The following GALNT13 variants were observed in gnomAD, a reference collection of about 807,000 sequenced individuals.
GALNT13 encodes polypeptide N-acetylgalactosaminyltransferase 13, also known as UDP-GalNAc:polypeptide N-acetylgalactosaminyltransferase 13.
Under a neutral mutation model 64.2 loss-of-function variants are expected in GALNT13, and 28 were observed. The ratio of observed to expected loss-of-function variants is 0.44; its 90% CI spans 0.32 to 0.60. GALNT13 has a LOEUF of 0.60. GALNT13 is among the 20% of genes least tolerant of loss of function. GALNT13 has a pLI of 0.05. For synonymous variants in GALNT13, 214 were observed against 224.6 expected (o/e 0.95, Z 0.42); for missense variants, 577 against 669.8 (o/e 0.86, Z 1.53).
chr2:153,645,600 AT>A, the GALNT13 span, among the ~76,000 whole-genome samples: 1 of 152,082 alleles, frequency 6.6e-6, no homozygotes, highest in Non-Finnish European at 1.5e-5. Flanking sequence ...TTCACTCATC[AT>A]GATTTATGGA....
intron 11 of GALNT13, among the ~76,000 whole-genome samples, chr2:154,434,353 G>A (rs545907653): frequency 7.1e-4 from 108 of 152,134 alleles, no homozygotes; most frequent in Admixed American, 2.1e-3. Flanking sequence ...TCCGCCTCCC[G>A]GGCTCACGCC....
the GALNT13 span, among the ~76,000 whole-genome samples, chr2:153,413,752 G>C: frequency 2.6e-5 from 4 of 152,084 alleles, no homozygotes; most frequent in East Asian, 7.7e-4. Context: ...TGTAGAAAAA[G>C]GTCATTTTTC....
the GALNT13 span, among the ~76,000 whole-genome samples, chr2:153,321,279 A>G: frequency 1.3e-5 from 2 of 152,302 alleles, no homozygotes; most frequent in African/African-American, 2.4e-5. Flanking sequence ...AAAACTTCCC[A>G]CTTTCATGTG....
intron 4 of GALNT13, among the ~76,000 whole-genome samples, chr2:154,199,491 A>G (rs2105775977): frequency 6.6e-6 from 1 of 152,138 alleles, no homozygotes; most frequent in Non-Finnish European, 1.5e-5. Context: ...AGGTTTAGTA[A>G]ATTTTCCTTT....
intron 3 of GALNT13, among the ~76,000 whole-genome samples, chr2:154,082,386 G>T (rs1200633350): frequency 6.6e-6 from 1 of 151,500 alleles, no homozygotes; most frequent in Non-Finnish European, 1.5e-5. Flanking sequence ...AAATTAATTT[G>T]ATTATTGATT....
the GALNT13 span, among the ~76,000 whole-genome samples, chr2:153,264,839 G>A: frequency 1.3e-5 from 2 of 152,242 alleles, no homozygotes; most frequent in Non-Finnish European, 2.9e-5. Context: ...AATGCATGCT[G>A]GGCTTAATAC....
chr2:154,257,292 C>T lies in GALNT13; in HGVS notation c.858-1729C>T, dbSNP rs375437498. On this transcript the variant is annotated intron_variant, in intron 7 of 12. Transcript: ENST00000392825. ...TACATGTTATTTAAATTAAAATGTG[C>T]CAGTACTTTATCAGTAAGTAGATAA... Among the ~76,000 whole-genome samples, 112 of 152,108 alleles carry T rather than the reference C, an allele frequency of 7.4e-4. 1 individual carries two copies. The highest frequency in any genetic ancestry group is 2.2e-3 in the African/African-American group (90 of 41,468).
chr2:154,023,737 A>T (rs1697714695), intron 3 of GALNT13, among the ~76,000 whole-genome samples: 2 of 152,200 alleles, frequency 1.3e-5, no homozygotes, highest in African/African-American at 4.8e-5. Context: ...TCCTGTCATT[A>T]TGATGTTAGC....
At chr2:153,075,025 G>C in the GALNT13 span, among the ~76,000 whole-genome samples, 3 of 152,116 alleles carry the variant, frequency 2.0e-5, no homozygotes, top group Admixed American at 2.0e-4. Context: ...GAGCCACAGT[G>C]CCTGGCCTAC....
chr2:153,491,586 A>C, the GALNT13 span, among the ~76,000 whole-genome samples: 1 of 146,948 alleles, frequency 6.8e-6, no homozygotes, highest in South Asian at 2.2e-4. Flanking sequence ...ACACACCTAA[A>C]CCATATTATA....
chr2:154,155,099 G>T (rs545816821), intron 4 of GALNT13, among the ~76,000 whole-genome samples: 1 of 151,990 alleles, frequency 6.6e-6, no homozygotes, highest in South Asian at 2.1e-4. Context: ...TCAGAGGCAA[G>T]ATTTTTTACC....
At chr2:154,300,300 G>T (rs113701782) in intron 8 of GALNT13, among the ~76,000 whole-genome samples, 2,920 of 151,412 alleles carry the variant, frequency 0.019, 70 homozygotes, top group African/African-American at 0.059. Context: ...ACGGGTTTTT[G>T]CCATGTTGGT....
the GALNT13 span, chr2:153,761,393 T>G: frequency 3.2e-4 from 48 of 152,332 alleles, no homozygotes; most frequent in African/African-American, 1.1e-3. Flanking sequence ...TTACAATCCT[T>G]CATTCACTCA....
chr2:153,513,488 A>C, the GALNT13 span, among the ~76,000 whole-genome samples: 1 of 152,222 alleles, frequency 6.6e-6, no homozygotes, highest in Admixed American at 6.5e-5. Flanking sequence ...TAAGAAAATA[A>C]TCTGAGCAAA....
the GALNT13 span, among the ~76,000 whole-genome samples, chr2:153,243,372 A>G: frequency 6.6e-6 from 1 of 152,340 alleles, no homozygotes; most frequent in African/African-American, 2.4e-5. Context: ...GCCTGGGGAC[A>G]TGTGGAGTTA....
the GALNT13 span, among the ~76,000 whole-genome samples, chr2:153,207,518 T>A: frequency 1.3e-5 from 2 of 152,092 alleles, no homozygotes; most frequent in African/African-American, 4.8e-5. Context: ...ATTCTAAAAT[T>A]CCTTCTTCAT....
rs185555476 is a variant in GALNT13, at chr2:154,082,166, A to G, written c.143-58171A>G. On this transcript the variant is annotated intron_variant, in intron 3 of 12. Coordinates refer to ENST00000392825, the MANE Select transcript of GALNT13 (RefSeq NM_052917.4). Reference sequence around the variant, plus strand: ...CTCCTTTGTTTTTTAAAACAATGTAACCTATATGAATTTTGTTTTCATCTT... The same window carrying G: ...CTCCTTTGTTTTTTAAAACAATGTAGCCTATATGAATTTTGTTTTCATCTT... 7.9e-5 allele frequency among the ~76,000 whole-genome samples: 12 copies of G among 151,772 alleles called. No homozygotes were observed. The East Asian group carries it at 2.3e-3, about 29-fold the overall frequency.
intron 4 of GALNT13, among the ~76,000 whole-genome samples, chr2:154,224,423 G>A (rs1397856495): frequency 1.3e-5 from 2 of 151,768 alleles, no homozygotes; most frequent in African/African-American, 2.4e-5. Flanking sequence ...TAAAACATTC[G>A]ATGGATCAGA....
rs921602559 is a variant in GALNT13 at position 154,446,480 on chromosome 2, T to C, written c.1531-3931T>C. On this transcript the variant is annotated intron_variant, in intron 12 of 12. Transcript: ENST00000392825. Reference sequence around the variant, plus strand: ...ACATGTGCCTTCCATCTTTATCCAGTAGAAATTGCATGTTGCCTAGGATGA... The same window carrying C: ...ACATGTGCCTTCCATCTTTATCCAGCAGAAATTGCATGTTGCCTAGGATGA... 85 of 1,319,494 alleles carry C rather than the reference T, an allele frequency of 6.4e-5. 1 individual carries two copies. Among genetic ancestry groups the C allele is most frequent in the Non-Finnish European group, 8.0e-5 (80 of 995,564 alleles). The allele number at this position is 1,319,494 out of a possible 1,614,324, so 81.7% of individuals were successfully genotyped here.
Sources: gnomAD v4.1 joint callset for allele counts (sites outside exome capture counted in the v4.1 genomes callset) on GRCh38, gnomAD v4.1.1 for gene constraint, MANE v1.5 for transcripts, NCBI Gene and HGNC (gene_info 2026-07-23, HGNC 2026-07-21) for gene names.